The following XKR9 variants were observed in gnomAD, a reference collection of about 807,000 sequenced individuals.
XKR9 encodes the protein XK related 9, also known as XK-related protein 9.
XKR9 carries 32 observed loss-of-function variants against 32.0 expected under a neutral mutation model. The observed-to-expected ratio is 1.00, with a 90% CI of 0.76 to 1.34. The LOEUF (loss-of-function observed/expected upper bound fraction) is 1.34. Ranked by LOEUF, XKR9 falls within the 40% of genes most tolerant of loss-of-function variation. The pLI is 0.00. For synonymous variants in XKR9, 168 were observed against 143.4 expected, an observed-to-expected ratio of 1.17 and a Z score of -1.22; for missense variants, 546 against 429.7, an observed-to-expected ratio of 1.27 and a Z score of -2.39.
chr8:70,750,557 T>G (rs1454764243), intron 2 of XKR9, among the ~76,000 whole-genome samples: 2 of 152,184 alleles, frequency 1.3e-5, no homozygotes, highest in African/African-American at 4.8e-5. Flanking sequence ...GCAGGTAAAA[T>G]AACTTTTTTT....
In XKR9 at chr8:70,711,447, A is replaced by C. The variant is rs988183143; in HGVS notation, c.493+4294A>C. Among the ~76,000 whole-genome samples, 3 of 152,192 alleles carry C rather than the reference A, an allele frequency of 2.0e-5. No individual in the cohort carries two copies. The East Asian group carries it at 5.8e-4, about 29-fold the overall frequency. ...TACCATGGAATACTACAAAGCCATA[A>C]AAAAGAATGAAATCATGTCCTTTGC... On this transcript the variant is annotated intron_variant, in intron 4 of 4. Coordinates refer to ENST00000408926, the MANE Select transcript of XKR9 (RefSeq NM_001011720.2).
At chr8:70,812,865 G>C in the XKR9 span, among the ~76,000 whole-genome samples, 1 of 152,128 alleles carries the variant, frequency 6.6e-6, no homozygotes, top group Non-Finnish European at 1.5e-5. Flanking sequence ...TGGCCATACT[G>C]CCCAAGGTAA....
At chr8:70,824,777 G>A in the XKR9 span, among the ~76,000 whole-genome samples, 1 of 152,004 alleles carries the variant, frequency 6.6e-6, no homozygotes, top group Non-Finnish European at 1.5e-5. Flanking sequence ...ATTACATGAA[G>A]CAAGCTATTT....
At chr8:70,982,866 G>C in the XKR9 span, among the ~76,000 whole-genome samples, 1 of 152,082 alleles carries the variant, frequency 6.6e-6, no homozygotes, top group Admixed American at 6.6e-5. Context: ...AATTAGTTTT[G>C]AGAACATTTT....
chr8:70,947,287 A>G, the XKR9 span, among the ~76,000 whole-genome samples: 1 of 152,250 alleles, frequency 6.6e-6, no homozygotes, highest in African/African-American at 2.4e-5. Flanking sequence ...GCATCTGGAA[A>G]CATACTGAGA....
At chr8:70,713,415 C>A (rs1026523816) in intron 4 of XKR9, among the ~76,000 whole-genome samples, 9 of 152,010 alleles carry the variant, frequency 5.9e-5, no homozygotes, top group Non-Finnish European at 2.9e-5. Flanking sequence ...ATGAGAGACA[C>A]CTACCCACAG....
chr8:70,713,697 T>C (rs942601477), intron 4 of XKR9, among the ~76,000 whole-genome samples: 26 of 152,084 alleles, frequency 1.7e-4, no homozygotes, highest in African/African-American at 5.8e-4. Flanking sequence ...TACAGGACAA[T>C]GATAACATGT....
the XKR9 span, among the ~76,000 whole-genome samples, chr8:70,904,764 G>T: frequency 6.6e-6 from 1 of 152,176 alleles, no homozygotes; most frequent in Non-Finnish European, 1.5e-5. Flanking sequence ...GGTACTGGTT[G>T]TTCCTTTCCA....
chr8:70,699,915 C>T (rs572724562), intron 3 of XKR9, among the ~76,000 whole-genome samples: 1 of 152,258 alleles, frequency 6.6e-6, no homozygotes, highest in South Asian at 2.1e-4. Context: ...CTTCCCTTCT[C>T]ACTTCATTTC....
the XKR9 span, among the ~76,000 whole-genome samples, chr8:70,884,301 C>G: frequency 6.6e-6 from 1 of 151,948 alleles, no homozygotes; most frequent in African/African-American, 2.4e-5. Context: ...ATATGTTTTG[C>G]AAATATTTTA....
At chr8:70,746,820 A>G (rs1227377787) in intron 2 of XKR9, among the ~76,000 whole-genome samples, 1 of 151,480 alleles carries the variant, frequency 6.6e-6, no homozygotes, top group Non-Finnish European at 1.5e-5. Flanking sequence ...TTACATTGGT[A>G]TATTATGTGA....
At chr8:70,744,410 C>T (rs1356187002) in intron 2 of XKR9, among the ~76,000 whole-genome samples, 1 of 152,064 alleles carries the variant, frequency 6.6e-6, no homozygotes, top group East Asian at 1.9e-4. Context: ...CTGATAAAAA[C>T]TGCAATATAG....
At chr8:70,702,032 G>A (rs1805555734) in intron 3 of XKR9, among the ~76,000 whole-genome samples, 1 of 151,988 alleles carries the variant, frequency 6.6e-6, no homozygotes, top group African/African-American at 2.4e-5. Flanking sequence ...GAATATAATG[G>A]GAGTTGAATC....
the XKR9 span, among the ~76,000 whole-genome samples, chr8:70,922,227 A>T: frequency 1.3e-5 from 2 of 152,122 alleles, no homozygotes; most frequent in African/African-American, 2.4e-5. Context: ...GATTCCAATA[A>T]CTTGTCCCTG....
the XKR9 span, among the ~76,000 whole-genome samples, chr8:70,970,491 C>T: frequency 6.6e-6 from 1 of 152,010 alleles, no homozygotes; most frequent in African/African-American, 2.4e-5. Context: ...CCAACAGGCC[C>T]CAGTGTGTGA....
the XKR9 span, among the ~76,000 whole-genome samples, chr8:70,817,899 T>A: frequency 5.4e-3 from 823 of 152,332 alleles, 11 homozygotes; most frequent in African/African-American, 0.019. Context: ...CTGTGATAAC[T>A]GGCTAGCCAT....
the XKR9 span, among the ~76,000 whole-genome samples, chr8:70,799,707 A>G: frequency 0.3 from 45,038 of 151,996 alleles, 8,681 homozygotes; most frequent in Non-Finnish European, 0.43. Context: ...TTGTATATTG[A>G]TTTTGTATCC....
At chr8:70,741,917 A>G (rs1193027248) in intron 2 of XKR9, among the ~76,000 whole-genome samples, 1 of 151,354 alleles carries the variant, frequency 6.6e-6, no homozygotes, top group African/African-American at 2.4e-5. Context: ...CCAACATTGC[A>G]TAAATGCCCC....
intron 2 of XKR9, among the ~76,000 whole-genome samples, chr8:70,762,436 C>T (rs899523891): frequency 9.2e-5 from 14 of 152,172 alleles, no homozygotes; most frequent in African/African-American, 2.4e-4. Context: ...GCTCCACCTT[C>T]TGTCCCATAA....
Sources: allele counts gnomAD v4.1 joint callset (sites outside exome capture counted in the v4.1 genomes callset), GRCh38; gene constraint gnomAD v4.1.1; transcripts MANE v1.5; gene names NCBI Gene and HGNC (gene_info 2026-07-23, HGNC 2026-07-21).